Variants in CSMD1 observed in about 807,000 individuals in gnomAD.
CSMD1 encodes CUB and sushi domain-containing protein 1.
A neutral mutation model predicts 417.5 loss-of-function variants in CSMD1; 213 were observed. That is an observed-to-expected ratio of 0.51 (90% CI 0.46 to 0.57). CSMD1 has a LOEUF of 0.57. Among genes scored for constraint, CSMD1 ranks in the 20% least tolerant of loss-of-function variants. The pLI, the probability that CSMD1 is intolerant of heterozygous loss-of-function variation, is 0.00. For missense variants in CSMD1, 6,923 were observed against 4,529.7 expected (o/e 1.53, Z -15.17); for synonymous variants, 2,862 against 1,736.8 (o/e 1.65, Z -16.11).
chr8:3,507,990 G>T (rs947904113), intron 10 of CSMD1, among the ~76,000 whole-genome samples: 1 of 152,128 alleles, frequency 6.6e-6, no homozygotes, highest in East Asian at 1.9e-4. Flanking sequence ...TTCTTTTGCT[G>T]TGCAGAGGCT....
At chr8:3,238,372 T>C (rs1407931908) in intron 26 of CSMD1, among the ~76,000 whole-genome samples, 2 of 152,144 alleles carry the variant, frequency 1.3e-5, no homozygotes, top group Admixed American at 6.5e-5. Flanking sequence ...TCACAGGGGA[T>C]ATGATGGCTT....
intron 1 of CSMD1, among the ~76,000 whole-genome samples, chr8:4,920,602 A>G (rs1585329847): frequency 2.0e-5 from 3 of 152,190 alleles, no homozygotes. Flanking sequence ...CAGGTGGATC[A>G]CCTGAAGTCA....
intron 42 of CSMD1, among the ~76,000 whole-genome samples, chr8:3,116,632 C>CA (rs1236637018): frequency 6.6e-6 from 1 of 152,054 alleles, no homozygotes; most frequent in Non-Finnish European, 1.5e-5. Context: ...TAAATTCTAT[C>CA]AAAAAAGGTA....
chr8:3,051,310 G>A (rs756884190), intron 50 of CSMD1, among the ~76,000 whole-genome samples: 1 of 152,198 alleles, frequency 6.6e-6, no homozygotes, highest in Non-Finnish European at 1.5e-5. Context: ...GGATGGAGCT[G>A]GAGGTCATTA....
intron 2 of CSMD1, among the ~76,000 whole-genome samples, chr8:4,548,074 G>A (rs553720930): frequency 6.6e-6 from 1 of 152,166 alleles, no homozygotes; most frequent in African/African-American, 2.4e-5. Context: ...AAAAGGCACA[G>A]TGTAAAGAAG....
chr8:3,798,474 T>C (rs147905896), intron 5 of CSMD1, among the ~76,000 whole-genome samples: 53 of 152,170 alleles, frequency 3.5e-4, no homozygotes, highest in African/African-American at 1.3e-3. Context: ...TTGATTCATA[T>C]CTTGTGGATA....
chr8:3,981,964 G>C (rs892992279), intron 5 of CSMD1, among the ~76,000 whole-genome samples: 1 of 151,922 alleles, frequency 6.6e-6, no homozygotes, highest in South Asian at 2.1e-4. Context: ...AAGTTCAGGA[G>C]ATTGAGACCA....
At chr8:3,272,623 G>A (rs1241991541) in intron 26 of CSMD1, among the ~76,000 whole-genome samples, 2 of 137,312 alleles carry the variant, frequency 1.5e-5, no homozygotes, top group Non-Finnish European at 3.1e-5. Flanking sequence ...GTGGTTTGTA[G>A]TTCTCCTTGA....
At chr8:3,554,640 C>T (rs1325905093) in intron 10 of CSMD1, among the ~76,000 whole-genome samples, 2 of 152,170 alleles carry the variant, frequency 1.3e-5, no homozygotes, top group African/African-American at 2.4e-5. Context: ...AGAAATAGCC[C>T]ATGAATGGCA....
At chr8:4,681,123 G>T (rs1169179180) in intron 1 of CSMD1, among the ~76,000 whole-genome samples, 20 of 152,062 alleles carry the variant, frequency 1.3e-4, no homozygotes, top group Non-Finnish European at 1.3e-4. Flanking sequence ...GAAGATGAAA[G>T]CAAACAATTT....
intron 5 of CSMD1, among the ~76,000 whole-genome samples, chr8:3,806,358 T>TAATAACC (rs1563099255): frequency 6.6e-6 from 1 of 152,122 alleles, no homozygotes; most frequent in Non-Finnish European, 1.5e-5. Context: ...GAAATGAAAA[T>TAATAACC]AATAACCAAT....
At chr8:4,751,705 G>C (rs769289419) in intron 1 of CSMD1, among the ~76,000 whole-genome samples, 4 of 152,052 alleles carry the variant, frequency 2.6e-5, no homozygotes, top group Non-Finnish European at 4.4e-5. Flanking sequence ...CTGAAACACA[G>C]ACCAATTTTA....
At chr8:3,803,165 G>A (rs963163416) in intron 5 of CSMD1, among the ~76,000 whole-genome samples, 2 of 152,110 alleles carry the variant, frequency 1.3e-5, no homozygotes, top group Admixed American at 1.3e-4. Flanking sequence ...TAATCATGCT[G>A]AAAGCAATAT....
chr8:4,512,678 A>G (rs1240929740), intron 2 of CSMD1, among the ~76,000 whole-genome samples: 2 of 152,136 alleles, frequency 1.3e-5, no homozygotes, highest in Non-Finnish European at 2.9e-5. Context: ...ATATAATAAT[A>G]CCATTTACAT....
chr8:3,024,907 C>G (rs1224594296), intron 51 of CSMD1, among the ~76,000 whole-genome samples: 1 of 152,246 alleles, frequency 6.6e-6, no homozygotes, highest in African/African-American at 2.4e-5. Flanking sequence ...ACTGTTCCCT[C>G]CACTGCTTTG....
intron 1 of CSMD1, among the ~76,000 whole-genome samples, chr8:4,702,784 G>C (rs1294660576): frequency 1.3e-5 from 2 of 152,048 alleles, no homozygotes; most frequent in African/African-American, 4.8e-5. Flanking sequence ...GAAAATGTTA[G>C]GTAGCAAAAT....
chr8:4,827,174 G>C (rs565295445), intron 1 of CSMD1, among the ~76,000 whole-genome samples: 4 of 152,050 alleles, frequency 2.6e-5, no homozygotes, highest in East Asian at 1.9e-4. Flanking sequence ...CAAAGTTTTC[G>C]TTGCCATGCA....
At chr8:4,531,751 T>C (rs560364671) in intron 2 of CSMD1, among the ~76,000 whole-genome samples, 1 of 152,328 alleles carries the variant, frequency 6.6e-6, no homozygotes, top group South Asian at 2.1e-4. Flanking sequence ...ATTCACTCTC[T>C]AAAAGTATAC....
chr8:3,020,192 T>A (rs532055638), intron 51 of CSMD1, among the ~76,000 whole-genome samples: 1 of 152,328 alleles, frequency 6.6e-6, no homozygotes, highest in African/African-American at 2.4e-5. Context: ...CATAGGCTTG[T>A]GCATTAGATT....
Sources: allele counts gnomAD v4.1 joint callset (sites outside exome capture counted in the v4.1 genomes callset), GRCh38; gene constraint gnomAD v4.1.1; transcripts MANE v1.5; gene names NCBI Gene and HGNC (gene_info 2026-07-23, HGNC 2026-07-21).